The following INTS7 variants were observed in gnomAD, a reference collection of about 807,000 sequenced individuals.
INTS7 encodes the protein integrator complex subunit 7, also known as chromosome 1 open reading frame 73.
A neutral mutation model predicts 109.2 loss-of-function variants in INTS7; 46 were observed. The ratio of observed to expected loss-of-function variants is 0.42; its 90% CI spans 0.33 to 0.54. INTS7 has a LOEUF of 0.54. INTS7 is among the 20% of genes least tolerant of loss of function. The pLI, the probability that INTS7 is intolerant of heterozygous loss-of-function variation, is 0.07. For missense variants in INTS7, 929 were observed against 1,132.4 expected, an observed-to-expected ratio of 0.82 and a Z score of 2.58; for synonymous variants, 412 against 402.9, an observed-to-expected ratio of 1.02 and a Z score of -0.27.
chr1:211,941,608 C>A lies in INTS7; in HGVS notation c.*216G>T, dbSNP rs1400735927. ...TCTCCTCGTGAGCCGCCCACCTCAG[C>A]CTCCCAAAGTGCTGGGATTACAGGC... On this transcript the variant is annotated 3_prime_UTR_variant, in exon 20 of 20. Transcript: ENST00000366994. 3.4e-6 allele frequency: 2 copies of A among 596,538 alleles called. No individual in the cohort carries two copies. The highest frequency in any genetic ancestry group is 5.7e-6 in the Non-Finnish European group (2 of 348,276). The allele number at this position is 596,538 out of a possible 1,614,324, so 37.0% of individuals were successfully genotyped here.
At chr1:211,977,513 T>A (rs1664471766) in intron 11 of INTS7, among the ~76,000 whole-genome samples, 1 of 152,216 alleles carries the variant, frequency 6.6e-6, no homozygotes, top group African/African-American at 2.4e-5. Context: ...CAGCAAATGA[T>A]GGGATGGGGT....
At chr1:211,958,619 C>G (rs564348785) in intron 16 of INTS7, among the ~76,000 whole-genome samples, 9 of 152,176 alleles carry the variant, frequency 5.9e-5, no homozygotes, top group African/African-American at 1.9e-4. Context: ...TCCCCCTTTC[C>G]CTCTTTCTGG....
chr1:211,998,808 A>G (rs190263233), intron 7 of INTS7, among the ~76,000 whole-genome samples: 10 of 148,952 alleles, frequency 6.7e-5, no homozygotes, highest in Admixed American at 1.3e-4. Context: ...ATAAATAACA[A>G]TAACAAAAAG....
At chr1:211,957,161 G>C (rs1024000655) in intron 16 of INTS7, among the ~76,000 whole-genome samples, 1 of 152,120 alleles carries the variant, frequency 6.6e-6, no homozygotes, top group African/African-American at 2.4e-5. Context: ...TTTCTCTAGT[G>C]ATTACTGATG....
chr1:211,957,703 A>G (rs1294056776), intron 16 of INTS7, among the ~76,000 whole-genome samples: 1 of 152,216 alleles, frequency 6.6e-6, no homozygotes, highest in Non-Finnish European at 1.5e-5. Flanking sequence ...AAGCAGATTT[A>G]AAAGTTTAAA....
At chr1:212,001,359 C>T (rs1162182631) in intron 7 of INTS7, among the ~76,000 whole-genome samples, 1 of 152,092 alleles carries the variant, frequency 6.6e-6, no homozygotes, top group Non-Finnish European at 1.5e-5. Context: ...CCCAGAATTC[C>T]TCTTAAAACG....
At position 212,001,082 on chromosome 1, in the gene INTS7, T is replaced by C. The variant is rs1206145513; in HGVS notation, c.879+5557A>G. Among the ~76,000 whole-genome samples the C allele has an allele frequency of 3.6e-4, 53 of 148,978 alleles. 1 individual carries two copies. Among genetic ancestry groups the C allele is most frequent in the Admixed American group, 3.3e-4 (5 of 14,948 alleles). On this transcript the variant is annotated intron_variant, in intron 7 of 19. Coordinates refer to ENST00000366994, the MANE Select transcript of INTS7 (RefSeq NM_015434.4). ...AGAATTCCTTTTTTTTTTTTTTTTT[T>C]TTGAGACAGAGTTTTGCTCTTTTTG...
intron 7 of INTS7, among the ~76,000 whole-genome samples, chr1:211,992,467 T>G: frequency 6.6e-6 from 1 of 152,166 alleles, no homozygotes; most frequent in East Asian, 1.9e-4. Flanking sequence ...GCAGTCTCAG[T>G]AAATAAATAT....
chr1:211,968,344 ATCTT>A (rs768288601), intron 14 of INTS7, among the ~76,000 whole-genome samples, 165 bp downstream of exon 14: 1 of 152,224 alleles, frequency 6.6e-6, no homozygotes, highest in Non-Finnish European at 1.5e-5. Flanking sequence ...GAATCACTTT[ATCTT>A]TCTAATAACA....
chr1:212,015,180 G>C (rs1025411115), intron 4 of INTS7, among the ~76,000 whole-genome samples: 2 of 152,134 alleles, frequency 1.3e-5, no homozygotes, highest in African/African-American at 4.8e-5. Context: ...GAGCCCCTCT[G>C]CCCAGCCGCC....
At position 211,978,401 on chromosome 1, in the gene INTS7, A is replaced by G; in HGVS notation, c.1341T>C (p.Ile447=). The G allele has an allele frequency of 6.2e-7, 1 of 1,614,190 alleles. No individual in the cohort carries two copies. The highest frequency in any genetic ancestry group is 8.5e-7 in the Non-Finnish European group (1 of 1,180,036). ...TGGCTGCCAGGCAATGGCACATCAA[A>G]ATCCGGGCAGCGTCTTGAGCACTGT... ...QLHSAQDAAR[I]LMCHCLAAIA... Residue 447 remains isoleucine (I), a synonymous_variant, in exon 11 of 20, where the codon ATT becomes ATC. Transcript: ENST00000366994.
intron 16 of INTS7, among the ~76,000 whole-genome samples, chr1:211,963,788 C>T (rs1396250277): frequency 6.6e-6 from 1 of 151,788 alleles, no homozygotes; most frequent in South Asian, 2.1e-4. Context: ...AATTCCATAT[C>T]CCATTATATT....
At chr1:212,015,136 G>A (rs868083787) in intron 4 of INTS7, among the ~76,000 whole-genome samples, 5 of 151,680 alleles carry the variant, frequency 3.3e-5, no homozygotes, top group Non-Finnish European at 7.4e-5. Context: ...GGGAGGTGGG[G>A]GGCAGCCCCT....
chr1:212,028,670 G>A (rs780015357), intron 1 of INTS7, among the ~76,000 whole-genome samples: 4 of 152,178 alleles, frequency 2.6e-5, no homozygotes, highest in South Asian at 2.1e-4. Flanking sequence ...GTGAAATACC[G>A]AGGTCTGAAT....
chr1:211,942,010 T>C lies in INTS7; in HGVS notation c.2703A>G (p.Thr901=). The C allele has an allele frequency of 1.2e-6, 2 of 1,614,222 alleles. No individual in the cohort carries two copies. Among genetic ancestry groups the C allele is most frequent in the Non-Finnish European group, 1.7e-6 (2 of 1,180,042 alleles). ...CAGAAGATTCCACTGTAATGTTGTGTGTTCCAAGGATAGCAAAGTTCAACA... is the reference window on the plus strand; with the variant it reads ...CAGAAGATTCCACTGTAATGTTGTGCGTTCCAAGGATAGCAAAGTTCAACA... The part of the protein sequence containing the change: ...QFLLNFAILG[T]HNITVESSVK... The change falls in exon 20 of 20, where the codon ACA becomes ACG. Residue 901 remains threonine (T), a synonymous_variant. Coordinates refer to ENST00000366994, the MANE Select transcript of INTS7 (RefSeq NM_015434.4). The surrounding 1 kb of genome is among the most constrained non-coding windows in gnomAD (Gnocchi z 4.2).
At chr1:211,954,880 GCT>G (rs903486349) in intron 16 of INTS7, among the ~76,000 whole-genome samples, 4 of 152,118 alleles carry the variant, frequency 2.6e-5, no homozygotes, top group Non-Finnish European at 4.4e-5. Flanking sequence ...GGTGATGTGG[GCT>G]CTTTTTTGGT....
At chr1:212,031,669 A>G (rs752875016) in intron 1 of INTS7, among the ~76,000 whole-genome samples, 31 of 152,230 alleles carry the variant, frequency 2.0e-4, no homozygotes, top group Non-Finnish European at 4.0e-4. Flanking sequence ...CTGAGTATAG[A>G]GCCTGAGACA....
chr1:211,948,315 T>C (rs908505805), intron 17 of INTS7, among the ~76,000 whole-genome samples: 1 of 152,238 alleles, frequency 6.6e-6, no homozygotes, highest in African/African-American at 2.4e-5. Context: ...TTAAAGACAC[T>C]GGTTCTATTT....
chr1:211,944,616 A>T (rs970454680), intron 19 of INTS7, among the ~76,000 whole-genome samples, 168 bp downstream of exon 19: 17 of 152,214 alleles, frequency 1.1e-4, no homozygotes, highest in African/African-American at 4.1e-4. Context: ...AGAGAAAAAG[A>T]AGTGTTTATC....
Sources: allele counts gnomAD v4.1 joint callset (sites outside exome capture counted in the v4.1 genomes callset), GRCh38; gene constraint gnomAD v4.1.1; non-coding constraint Gnocchi (gnomAD v3.1); transcripts MANE v1.5; gene names NCBI Gene and HGNC (gene_info 2026-07-23, HGNC 2026-07-21).